The following PRKN variants were observed in gnomAD, a reference collection of about 807,000 sequenced individuals.
The protein encoded by PRKN is E3 ubiquitin-protein ligase parkin.
PRKN carries 56 observed loss-of-function variants against 59.5 expected under a neutral mutation model. The ratio of observed to expected loss-of-function variants is 0.94; its 90% CI spans 0.76 to 1.18. The LOEUF is 1.18. Among genes scored for constraint, PRKN ranks in the 50% most tolerant of loss-of-function variants. The probability of loss-of-function intolerance (pLI) is 0.00; values close to 1 mark genes in which losing one functional copy is unlikely to be tolerated. For synonymous variants in PRKN, 250 were observed against 222.1 expected, an observed-to-expected ratio of 1.13 and a Z score of -1.12; for missense variants, 657 against 596.4, an observed-to-expected ratio of 1.10 and a Z score of -1.06.
At chr6:161,970,289 G>T (rs1230312164) in intron 6 of PRKN, among the ~76,000 whole-genome samples, 1 of 151,900 alleles carries the variant, frequency 6.6e-6, no homozygotes, top group African/African-American at 2.4e-5. Flanking sequence ...CAATCTGCCT[G>T]CCTGGCCTCC....
intron 9 of PRKN, among the ~76,000 whole-genome samples, chr6:161,513,291 A>C (rs559660009): frequency 6.6e-6 from 1 of 152,240 alleles, no homozygotes; most frequent in East Asian, 1.9e-4. Context: ...CCCAGGCTGG[A>C]GTGCAGTGGT....
chr6:162,238,303 A>T (rs1400409707), intron 3 of PRKN, among the ~76,000 whole-genome samples: 1 of 152,202 alleles, frequency 6.6e-6, no homozygotes, highest in African/African-American at 2.4e-5. Flanking sequence ...GTCTAGGGGC[A>T]ATAGGCTACA....
chr6:161,973,401 C>T lies in PRKN; in HGVS notation c.635G>A (p.Cys212Tyr), dbSNP rs137853058. ...PGTSAEFFFK[C>Y]GAHPTSDKET... ...CTTGTCAGAGGTGGGGTGTGCTCCA[C>T]ATTTAAAGAAAAATTCCTGAAAGAA... The change falls in exon 6 of 12, where the codon TGT becomes TAT. Residue 212 changes from cysteine to tyrosine, a missense_variant. Cys to Tyr is a radical substitution (Grantham distance 194). Coordinates refer to ENST00000366898, the MANE Select transcript of PRKN (RefSeq NM_004562.3). The T allele has an allele frequency of 4.3e-6, 7 of 1,610,136 alleles. No individual in the cohort carries two copies. In the Admixed American group the frequency reaches 6.7e-5, roughly 15 times the overall value.
chr6:161,557,666 G>T (rs1312856081), intron 8 of PRKN, among the ~76,000 whole-genome samples: 2 of 152,162 alleles, frequency 1.3e-5, no homozygotes, highest in Non-Finnish European at 2.9e-5. Context: ...CATAGAAAAA[G>T]AAGAAAAGAA....
At chr6:162,117,660 G>A (rs1387649069) in intron 4 of PRKN, among the ~76,000 whole-genome samples, 1 of 152,146 alleles carries the variant, frequency 6.6e-6, no homozygotes, top group Non-Finnish European at 1.5e-5. Flanking sequence ...AGTTCTGCAC[G>A]AACAACAGCC....
intron 2 of PRKN, among the ~76,000 whole-genome samples, chr6:162,343,943 A>G (rs942939732): frequency 6.6e-6 from 1 of 152,212 alleles, no homozygotes; most frequent in Non-Finnish European, 1.5e-5. Context: ...TATTTAATAT[A>G]TTAGAAAACC....
chr6:162,564,256 A>C (rs1346585460), intron 1 of PRKN, among the ~76,000 whole-genome samples: 1 of 152,094 alleles, frequency 6.6e-6, no homozygotes, highest in Non-Finnish European at 1.5e-5. Flanking sequence ...AAGGCAGAAG[A>C]ATCGCTTGAA....
rs1352395534 is a variant in PRKN at position 161,369,389 on chromosome 6, T to A, written c.1168-9184A>T. On this transcript the variant is annotated intron_variant, in intron 10 of 11. Transcript: ENST00000366898. This position sits in a 1 kb window ranked among gnomAD's most constrained non-coding sequence, Gnocchi z 5.8. ...GGGCGGGAGGTTTGGGAACCATTCA[T>A]CCTCTGGAGGGCGATTCTCCCTTTG... 1.3e-5 allele frequency among the ~76,000 whole-genome samples: 2 copies of A among 152,120 alleles called. No individual in the cohort carries two copies. The highest frequency in any genetic ancestry group is 4.8e-5 in the African/African-American group (2 of 41,424).
chr6:161,978,658 G>A (rs938471724), intron 5 of PRKN, among the ~76,000 whole-genome samples: 1 of 152,252 alleles, frequency 6.6e-6, no homozygotes, highest in African/African-American at 2.4e-5. Context: ...AGTCCAAGAA[G>A]GCTGGTCAGA....
intron 1 of PRKN, among the ~76,000 whole-genome samples, chr6:162,472,631 G>A (rs1791812283): frequency 1.6e-5 from 2 of 127,610 alleles, no homozygotes; most frequent in African/African-American, 5.6e-5. Flanking sequence ...GGGACTACAG[G>A]CGCCCGCCAC....
intron 4 of PRKN, among the ~76,000 whole-genome samples, chr6:162,111,050 A>G (rs975794207): frequency 2.6e-5 from 4 of 152,166 alleles, no homozygotes; most frequent in Admixed American, 2.0e-4. Flanking sequence ...GAGAAGAAAA[A>G]CAGATGTCCA....
chr6:162,290,783 A>T (rs1276766800), intron 2 of PRKN, among the ~76,000 whole-genome samples: 1 of 152,220 alleles, frequency 6.6e-6, no homozygotes, highest in Non-Finnish European at 1.5e-5. Context: ...GAAGGAAAAT[A>T]CAAATTTTCT....
rs540457199 is a variant in PRKN at position 161,410,233 on chromosome 6, G to A, written c.1084-23356C>T. On this transcript the variant is annotated intron_variant, in intron 9 of 11. Transcript: ENST00000366898. The surrounding 1 kb of genome is among the most constrained non-coding windows in gnomAD (Gnocchi z 5.3). ...GGAGAGTGAACATGAGTGAGAGTAC[G>A]AGCATGTCTCAGCTGGTAGCCCTTG... Among the ~76,000 whole-genome samples, 1 of 152,120 alleles carries A rather than the reference G, an allele frequency of 6.6e-6. No homozygotes were observed. The highest frequency in any genetic ancestry group is 2.4e-5 in the African/African-American group (1 of 41,408).
Position 161,578,255 on chromosome 6 carries a change from C to T in PRKN, c.872-8839G>A, listed in dbSNP as rs577424891. The stretch of plus-strand genomic sequence containing the variant: ...TTGAAAGCACCTGCATACACACAGC[C>T]TACCTACTGGGGCTGAGAACTGAGA... On this transcript the variant is annotated intron_variant, in intron 7 of 11. Coordinates refer to ENST00000366898, the MANE Select transcript of PRKN (RefSeq NM_004562.3). This position sits in a 1 kb window ranked among gnomAD's most constrained non-coding sequence, Gnocchi z 4.2. Among the ~76,000 whole-genome samples, 4 of 152,280 alleles carry T rather than the reference C, an allele frequency of 2.6e-5. No individual in the cohort carries two copies. The highest frequency in any genetic ancestry group is 9.6e-5 in the African/African-American group (4 of 41,546).
intron 1 of PRKN, among the ~76,000 whole-genome samples, chr6:162,496,572 A>ATC (rs944996277): frequency 3.9e-5 from 6 of 152,030 alleles, no homozygotes; most frequent in African/African-American, 1.2e-4. Flanking sequence ...GATGAAACAA[A>ATC]TCTCTCTCTC....
chr6:162,234,274 G>A (rs918565745), intron 3 of PRKN, among the ~76,000 whole-genome samples: 4 of 152,196 alleles, frequency 2.6e-5, no homozygotes, highest in African/African-American at 9.7e-5. Flanking sequence ...GAGGTGGGGA[G>A]ACAGAACTGA....
intron 6 of PRKN, among the ~76,000 whole-genome samples, chr6:161,864,688 G>T (rs986743961): frequency 1.3e-5 from 2 of 151,928 alleles, no homozygotes; most frequent in African/African-American, 4.8e-5. Context: ...ACAGAATCTC[G>T]CACTGTTGCC....
chr6:162,463,571 TG>T (rs1460742601), intron 1 of PRKN, among the ~76,000 whole-genome samples: 5 of 152,176 alleles, frequency 3.3e-5, no homozygotes, highest in Admixed American at 2.0e-4. Context: ...TAACACATCC[TG>T]CTGTGTGTGC....
At position 162,035,568 on chromosome 6, in the gene PRKN, T is replaced by C. The variant is rs181490596; in HGVS notation, c.618+18523A>G. Among the ~76,000 whole-genome samples the C allele has an allele frequency of 3.3e-3, 506 of 152,312 alleles. 2 individuals carry two copies. The highest frequency in any genetic ancestry group is 5.2e-3 in the Non-Finnish European group (356 of 68,020). On this transcript the variant is annotated intron_variant, in intron 5 of 11. Coordinates refer to ENST00000366898, the MANE Select transcript of PRKN (RefSeq NM_004562.3). ...TATTTTCAAACTTCATAAAAAATTA[T>C]AGATCATGTAGAAAAATTAATCTGT...
Sources: gnomAD v4.1 joint callset for allele counts (sites outside exome capture counted in the v4.1 genomes callset) on GRCh38, gnomAD v4.1.1 for gene constraint, Gnocchi (gnomAD v3.1) non-coding constraint, MANE v1.5 for transcripts, NCBI Gene and HGNC (gene_info 2026-07-23, HGNC 2026-07-21) for gene names.